Variants in LBH observed in about 807,000 individuals in gnomAD.
The protein encoded by LBH is LBH regulator of Wnt signaling pathway, also known as protein LBH.
Under a neutral mutation model 12.5 loss-of-function variants are expected in LBH, and 7 were observed. That is an observed-to-expected ratio of 0.56 (90% confidence interval 0.32 to 1.05). The LOEUF is 1.05. LBH is among the 50% of genes least tolerant of loss of function. The pLI, the probability that LBH is intolerant of heterozygous loss-of-function variation, is 0.04. For synonymous variants in LBH, 51 were observed against 50.1 expected (o/e 1.02, Z -0.08); for missense variants, 119 against 138.9 (o/e 0.86, Z 0.72).
chr2:30,234,592 G>A (rs1677653128), intron 2 of LBH, 85 bp downstream of exon 2: 3 of 909,754 alleles, frequency 3.3e-6, no homozygotes, highest in South Asian at 1.4e-5. Context: ...TTGCATCCCA[G>A]TGCCACATAT....
At chr2:30,234,767 C>T (rs879666083) in intron 2 of LBH, among the ~76,000 whole-genome samples, 3 of 152,216 alleles carry the variant, frequency 2.0e-5, no homozygotes, top group African/African-American at 4.8e-5. Flanking sequence ...CAGATAAGGG[C>T]TCAGCAAGCA....
Position 30,259,935 on chromosome 2 carries a change from T to C in LBH, c.*2314T>C, listed in dbSNP as rs535272921. On this transcript the variant is annotated 3_prime_UTR_variant, in exon 3 of 3. Transcript: ENST00000395323. ...ACCTCCTGTAACTTCTATCTGTTCT[T>C]TTTTGAGGCTCAGGGAGAAACTAGC... 2.6e-4 allele frequency: 39 copies of C among 152,454 alleles called. No individual in the cohort carries two copies. The highest frequency in any genetic ancestry group is 2.2e-3 in the Admixed American group (34 of 15,258). 9.4% of individuals were successfully genotyped at this position (152,454 alleles called of 1,614,324 possible).
chr2:30,251,628 T>A (rs1266997110), intron 2 of LBH, among the ~76,000 whole-genome samples: 2 of 144,318 alleles, frequency 1.4e-5, no homozygotes, highest in African/African-American at 5.2e-5. Context: ...GATTGTGCCA[T>A]TGCACTCTAG....
intron 2 of LBH, among the ~76,000 whole-genome samples, chr2:30,245,000 G>A (rs897148357): frequency 2.6e-5 from 4 of 152,154 alleles, no homozygotes; most frequent in African/African-American, 9.7e-5. Flanking sequence ...ACTAATAGCT[G>A]CAATAAACCA....
chr2:30,245,813 G>A lies in LBH; in HGVS notation c.129+11306G>A, dbSNP rs184855225. Among the ~76,000 whole-genome samples, 6 of 152,096 alleles carry A rather than the reference G, an allele frequency of 3.9e-5. No individual in the cohort carries two copies. In the East Asian group the frequency reaches 1.2e-3, roughly 29 times the overall value. ...ACCATCCTAATCCTAAGATGTGCCC[G>A]TTGGAGTTTAAAAAACAAAAGCAAC... is the stretch of plus-strand genomic sequence containing the variant. On this transcript the variant is annotated intron_variant, in intron 2 of 2. Transcript: ENST00000395323.
At chr2:30,234,558 C>T in intron 2 of LBH, 51 bp downstream of exon 2, 3 of 1,411,688 alleles carry the variant, frequency 2.1e-6, no homozygotes, top group South Asian at 2.3e-5. Context: ...GTGGTTTTTG[C>T]TGGGGGTGAG....
At position 30,258,398 on chromosome 2, in the gene LBH, A is replaced by T. The variant is rs1678123750; in HGVS notation, c.*777A>T. On this transcript the variant is annotated 3_prime_UTR_variant, in exon 3 of 3. Coordinates refer to ENST00000395323, the MANE Select transcript of LBH (RefSeq NM_030915.4). ...CAGTGCTTTTCAGCTTTTCTCCCTG[A>T]TATATCCATTTTGCTTCCCAGCACT... The T allele has an allele frequency of 6.6e-6, 1 of 152,292 alleles. No individual in the cohort carries two copies. The highest frequency in any genetic ancestry group is 2.4e-5 in the African/African-American group (1 of 41,422). The allele number at this position is 152,292 out of a possible 1,614,324, so 9.4% of individuals were successfully genotyped here.
intron 2 of LBH, among the ~76,000 whole-genome samples, chr2:30,248,935 G>A (rs1035240972): frequency 2.0e-5 from 3 of 152,206 alleles, no homozygotes; most frequent in African/African-American, 7.2e-5. Context: ...AAAGGAAGGA[G>A]GTCTAGCAGT....
At chr2:30,236,978 T>C (rs1479768171) in intron 2 of LBH, among the ~76,000 whole-genome samples, 1 of 152,162 alleles carries the variant, frequency 6.6e-6, no homozygotes, top group Non-Finnish European at 1.5e-5. Flanking sequence ...ACCATTGCGG[T>C]GTGACAGATA....
At chr2:30,233,986 G>A (rs1322987939) in intron 1 of LBH, among the ~76,000 whole-genome samples, 4 of 152,234 alleles carry the variant, frequency 2.6e-5, no homozygotes, top group Non-Finnish European at 1.5e-5. Context: ...CCTTTGGAAA[G>A]TTCATGTGAG....
At chr2:30,247,869 A>G (rs1381966777) in intron 2 of LBH, among the ~76,000 whole-genome samples, 1 of 152,228 alleles carries the variant, frequency 6.6e-6, no homozygotes, top group African/African-American at 2.4e-5. Context: ...TGCTGCCACT[A>G]TGTTAATTCT....
intron 2 of LBH, among the ~76,000 whole-genome samples, chr2:30,257,161 G>A (rs11679137): frequency 0.22 from 32,854 of 152,176 alleles, 4,248 homozygotes; most frequent in Middle Eastern, 0.32. Flanking sequence ...AATCCAAACA[G>A]AATCACATCA....
intron 2 of LBH, among the ~76,000 whole-genome samples, chr2:30,243,621 C>T (rs563147355): frequency 6.6e-6 from 1 of 150,546 alleles, no homozygotes; most frequent in African/African-American, 2.4e-5. Context: ...ACCTCCGCCT[C>T]CCTGGTTCAA....
At chr2:30,239,381 C>T (rs897331504) in intron 2 of LBH, among the ~76,000 whole-genome samples, 1 of 152,176 alleles carries the variant, frequency 6.6e-6, no homozygotes, top group African/African-American at 2.4e-5. Flanking sequence ...CATAACGCAT[C>T]CACTCTATCC....
intron 2 of LBH, among the ~76,000 whole-genome samples, chr2:30,242,810 T>A (rs1428679826): frequency 6.6e-6 from 1 of 152,252 alleles, no homozygotes; most frequent in Admixed American, 6.5e-5. Flanking sequence ...ATATTTAGGT[T>A]GTGGCATATT....
rs780079181 is a variant in LBH, at chr2:30,259,004, C to G, written c.*1383C>G. On this transcript the variant is annotated 3_prime_UTR_variant, in exon 3 of 3. Coordinates refer to ENST00000395323, the MANE Select transcript of LBH (RefSeq NM_030915.4). ...TTGGACTTAGGATTTCTTATTGTAG[C>G]TAAGAGCCATCTGAAGCAGCAGGTT... 1 of 152,576 alleles carries G rather than the reference C, an allele frequency of 6.6e-6. No individual in the cohort carries two copies. Among genetic ancestry groups the G allele is most frequent in the Non-Finnish European group, 1.5e-5 (1 of 68,060 alleles). The allele number at this position is 152,576 out of a possible 1,614,324, so 9.5% of individuals were successfully genotyped here.
At chr2:30,251,089 T>C (rs1572382931) in intron 2 of LBH, among the ~76,000 whole-genome samples, 1 of 150,440 alleles carries the variant, frequency 6.6e-6, no homozygotes, top group East Asian at 1.9e-4. Flanking sequence ...GGGTCTTGTT[T>C]CGTCACCCAG....
intron 2 of LBH, among the ~76,000 whole-genome samples, chr2:30,255,174 CG>C (rs1240792387): frequency 6.6e-6 from 1 of 152,262 alleles, no homozygotes; most frequent in African/African-American, 2.4e-5. Context: ...TTCCCTCCAT[CG>C]GGGTCCCTCT....
chr2:30,231,589 C>T lies in LBH; in HGVS notation c.-150C>T. On this transcript the variant is annotated 5_prime_UTR_variant, in exon 1 of 3. Transcript: ENST00000395323. The stretch of plus-strand genomic sequence containing the variant: ...TGTCCACCTTGCCGACGTCGCTAGC[C>T]GTGGGGCTGTCCTGGGAAGGCGGAC... The T allele has an allele frequency of 4.2e-6, 3 of 714,146 alleles. No individual in the cohort carries two copies. The highest frequency in any genetic ancestry group is 7.4e-6 in the Non-Finnish European group (3 of 403,624). The allele number at this position is 714,146 out of a possible 1,614,324, so 44.2% of individuals were successfully genotyped here. A position where few individuals can be genotyped will look rare whatever the true frequency, so the allele number is the denominator to read the frequency against.
Sources: gnomAD v4.1 joint callset for allele counts (sites outside exome capture counted in the v4.1 genomes callset) on GRCh38, gnomAD v4.1.1 for gene constraint, MANE v1.5 for transcripts, NCBI Gene and HGNC (gene_info 2026-07-23, HGNC 2026-07-21) for gene names.